EFHB: variants seen among roughly 807,000 people sequenced by gnomAD.
The protein encoded by EFHB is EF-hand domain family member B.
Under a neutral mutation model 87.2 loss-of-function variants are expected in EFHB, and 91 were observed. The observed-to-expected ratio is 1.04, with a 90% confidence interval of 0.88 to 1.24. EFHB has a LOEUF of 1.24. Among genes scored for constraint, EFHB ranks in the 50% most tolerant of loss-of-function variants. The pLI is 0.00. For missense variants in EFHB, 1,084 were observed against 998.8 expected (o/e 1.09, Z -1.15); for synonymous variants, 325 against 333.6 (o/e 0.97, Z 0.28).
At chr3:19,939,076 T>C (rs935106183), upstream of EFHB, among the ~76,000 whole-genome samples, 14 of 151,930 alleles carry the variant, frequency 9.2e-5, no homozygotes, top group Admixed American at 2.0e-4. Context: ...CCAGCTAATT[T>C]TTGTACTTTC....
At chr3:19,938,036 C>A (rs545847121), upstream of EFHB, among the ~76,000 whole-genome samples, 1 of 152,268 alleles carries the variant, frequency 6.6e-6, no homozygotes, top group South Asian at 2.1e-4. Flanking sequence ...GAAGGGCATC[C>A]ATCCGAACTT....
chr3:19,879,902 AAAAAGTATGTGTG>A, intron 12 of EFHB, 98 bp from the exon 13 acceptor site: 1 of 1,223,564 alleles, frequency 8.2e-7, no homozygotes, highest in East Asian at 2.4e-5. Flanking sequence ...TATTTTTCCA[AAAAAGTATGTGTG>A]AAAAGTATGT....
chr3:19,880,433 G>A (rs2071646364), intron 12 of EFHB, among the ~76,000 whole-genome samples: 1 of 151,864 alleles, frequency 6.6e-6, no homozygotes, highest in African/African-American at 2.4e-5. Context: ...TGTATTTGTA[G>A]TAGAGATGAA....
chr3:19,893,446 A>G (rs2125125503), intron 9 of EFHB, among the ~76,000 whole-genome samples: 1 of 152,300 alleles, frequency 6.6e-6, no homozygotes, highest in East Asian at 1.9e-4. Flanking sequence ...TTTTGTGGCA[A>G]TAGGGGGAGC....
At position 19,888,600 on chromosome 3, in the gene EFHB, C is replaced by T; in HGVS notation, c.1777G>A (p.Ala593Thr). 1.2e-6 allele frequency: 2 copies of T among 1,607,264 alleles called. No homozygotes were observed. Among genetic ancestry groups the T allele is most frequent in the Non-Finnish European group, 1.7e-6 (2 of 1,176,658 alleles). ...AGCTTGTCATCTAAACTCAAGTTGG[C>T]CTGGTCACAAGCTTCCTGCAGCTCG... ...KDELQEACDQANLSLDDKLLD... is the reference protein window; with the variant it reads ...KDELQEACDQTNLSLDDKLLD... The change falls in exon 10 of 13, where the codon GCC becomes ACC. Residue 593 changes from alanine to threonine, a missense_variant. Ala to Thr is a moderately conservative substitution (Grantham distance 58). Transcript: ENST00000295824.
At chr3:19,929,551 T>C (rs568286807) in intron 1 of EFHB, among the ~76,000 whole-genome samples, 5 of 151,430 alleles carry the variant, frequency 3.3e-5, no homozygotes, top group Non-Finnish European at 4.4e-5. Flanking sequence ...CTACTAAAAA[T>C]ACAAAAAATT....
chr3:19,946,407 G>A lies in EFHB; in HGVS notation c.-32+512C>T, dbSNP rs570931098. ...TAGTTTCAGAATGAAAGACTCGAGTGTAAGAATTCAATGGGATAATTCCTG... is the reference window on the plus strand; with the variant it reads ...TAGTTTCAGAATGAAAGACTCGAGTATAAGAATTCAATGGGATAATTCCTG... On this transcript the variant is annotated intron_variant, in intron 1 of 14. Transcript: ENST00000344838. Among the ~76,000 whole-genome samples the A allele has an allele frequency of 2.6e-5, 4 of 152,350 alleles. No individual in the cohort carries two copies. The South Asian group carries it at 8.3e-4, about 32-fold the overall frequency.
chr3:19,882,766 TA>T, intron 11 of EFHB, 35 bp from the exon 12 acceptor site: 1 of 1,587,542 alleles, frequency 6.3e-7, no homozygotes, highest in East Asian at 2.2e-5. Context: ...ACAGACATTC[TA>T]AAACAAAGCT....
At chr3:19,914,043 A>T (rs964969145) in intron 5 of EFHB, among the ~76,000 whole-genome samples, 1 of 152,172 alleles carries the variant, frequency 6.6e-6, no homozygotes, top group Non-Finnish European at 1.5e-5. Context: ...TACTGGGCTC[A>T]AACAATCCTC....
At position 19,933,618 on chromosome 3, in the gene EFHB, C is replaced by T; in HGVS notation, c.401G>A (p.Cys134Tyr). The T allele has an allele frequency of 6.2e-7, 1 of 1,614,054 alleles. No homozygotes were observed. Among genetic ancestry groups the T allele is most frequent in the Non-Finnish European group, 8.5e-7 (1 of 1,179,904 alleles). ...GCTCCCTGCAGCCTGTGAACTTCCA[C>T]ACACCCTGCCCAAAGGAGGCTGTAT... ...RIIQPPLGRVCGSSQAAGSRR... is the reference protein window; with the variant it reads ...RIIQPPLGRVYGSSQAAGSRR... The change falls in exon 1 of 13, where the codon TGT becomes TAT. Residue 134 changes from cysteine to tyrosine, a missense_variant. Coordinates refer to ENST00000295824, the MANE Select transcript of EFHB (RefSeq NM_144715.4).
In EFHB at chr3:19,905,638, C is replaced by T; in HGVS notation, c.1400G>A (p.Trp467Ter). ...DGRAMAKSLY[W>*]LHELQMKRGA... ...AACTTACATTTGTAGTTCATGGAGCCAATATAGAGATTTTGCCATGGCTCG... is the reference window on the plus strand; with the variant it reads ...AACTTACATTTGTAGTTCATGGAGCTAATATAGAGATTTTGCCATGGCTCG... Residue 467 changes from tryptophan (W) to a stop codon, truncating the protein, a stop_gained, in exon 6 of 13, where the codon TGG becomes TAG. Coordinates refer to ENST00000295824, the MANE Select transcript of EFHB (RefSeq NM_144715.4). LOFTEE classifies it high-confidence loss of function. 6.2e-7 allele frequency: 1 copy of T among 1,613,540 alleles called. No homozygotes were observed. The highest frequency in any genetic ancestry group is 2.2e-5 in the East Asian group (1 of 44,858).
chr3:19,940,620 C>A, intron 1 of EFHB: 1 of 435,990 alleles, frequency 2.3e-6, no homozygotes, highest in Non-Finnish European at 4.6e-6. Context: ...ACTATTCAGC[C>A]TCCTGGACCA....
At position 19,933,808 on chromosome 3, in the gene EFHB, C is replaced by CAATGGGGCCCT; in HGVS notation, c.210_211insAGGGCCCCATT (p.Glu71ArgfsTer8). Reference sequence around the variant, plus strand: ...ATATTCTGTCTTTCTAATCCCATTTCAAGCCCCTTGCTCAATGGAAATTTT... The same window carrying CAATGGGGCCCT: ...ATATTCTGTCTTTCTAATCCCATTTCAATGGGGCCCTAAGCCCCTTGCTCAATGGAAATTTT... On this transcript the variant is annotated frameshift_variant, in exon 1 of 13. Transcript: ENST00000295824. LOFTEE classifies it high-confidence loss of function. 7 of 1,614,008 alleles carry CAATGGGGCCCT rather than the reference C, an allele frequency of 4.3e-6. No homozygotes were observed. Among genetic ancestry groups the CAATGGGGCCCT allele is most frequent in the Non-Finnish European group, 5.1e-6 (6 of 1,179,892 alleles).
At chr3:19,885,170 C>T (rs963693423) in intron 10 of EFHB, among the ~76,000 whole-genome samples, 7 of 150,040 alleles carry the variant, frequency 4.7e-5, no homozygotes, top group East Asian at 2.0e-4. Context: ...TGCAGTGAGC[C>T]GAGATCGCGC....
intron 5 of EFHB, among the ~76,000 whole-genome samples, chr3:19,914,660 T>C (rs1170315887): frequency 6.6e-6 from 1 of 152,154 alleles, no homozygotes; most frequent in Non-Finnish European, 1.5e-5. Flanking sequence ...GATAAGAATA[T>C]ATAATGATCA....
At chr3:19,899,892 G>T (rs1186562938) in intron 6 of EFHB, among the ~76,000 whole-genome samples, 1 of 151,928 alleles carries the variant, frequency 6.6e-6, no homozygotes, top group Non-Finnish European at 1.5e-5. Context: ...GGGCAACATG[G>T]CAAAACCCTG....
intron 5 of EFHB, 65 bp downstream of exon 5, chr3:19,915,238 T>C (rs1695187130): frequency 2.9e-6 from 3 of 1,018,802 alleles, no homozygotes; most frequent in Non-Finnish European, 3.0e-6. Flanking sequence ...CAATTTCCTT[T>C]ATTCCTCTTC....
intron 1 of EFHB, among the ~76,000 whole-genome samples, chr3:19,928,679 AG>A (rs1265115213): frequency 6.6e-6 from 1 of 152,194 alleles, no homozygotes; most frequent in Non-Finnish European, 1.5e-5. Flanking sequence ...TCCTGACCTC[AG>A]GTGATCTGTC....
At chr3:19,907,869 T>C (rs1469605793) in intron 5 of EFHB, among the ~76,000 whole-genome samples, 1 of 152,200 alleles carries the variant, frequency 6.6e-6, no homozygotes, top group Admixed American at 6.5e-5. Flanking sequence ...ATTATAATTG[T>C]CTCTTAGTTA....
Sources: gnomAD v4.1 joint callset for allele counts (sites outside exome capture counted in the v4.1 genomes callset) on GRCh38, gnomAD v4.1.1 for gene constraint, MANE v1.5 for transcripts, NCBI Gene and HGNC (gene_info 2026-07-23, HGNC 2026-07-21) for gene names.